KAZN: variants seen among roughly 807,000 people sequenced by gnomAD.
KAZN encodes kazrin.
A neutral mutation model predicts 87.4 loss-of-function variants in KAZN; 40 were observed. The observed-to-expected ratio is 0.46, with a 90% confidence interval of 0.36 to 0.60. KAZN has a LOEUF of 0.60. KAZN is among the 20% of genes least tolerant of loss of function. The probability of loss-of-function intolerance (pLI) is 0.00; values close to 1 mark genes in which losing one functional copy is unlikely to be tolerated. For synonymous variants in KAZN, 466 were observed against 458.3 expected, an observed-to-expected ratio of 1.02 and a Z score of -0.22; for missense variants, 898 against 1,073.9, an observed-to-expected ratio of 0.84 and a Z score of 2.29.
chr1:14,808,337 C>T (rs1646291729), intron 1 of KAZN, among the ~76,000 whole-genome samples: 1 of 143,824 alleles, frequency 7.0e-6, no homozygotes, highest in Non-Finnish European at 1.5e-5. Context: ...ACTCTGTCAC[C>T]CCAGGCTGGA....
chr1:14,868,626 AG>A (rs1651796508), intron 1 of KAZN, among the ~76,000 whole-genome samples: 1 of 151,754 alleles, frequency 6.6e-6, no homozygotes, highest in Non-Finnish European at 1.5e-5. Context: ...GAGTTTGGGG[AG>A]GGGAATCTAG....
At chr1:14,129,482 C>T (rs1644945720) in intron 1 of KAZN, among the ~76,000 whole-genome samples, 1 of 152,224 alleles carries the variant, frequency 6.6e-6, no homozygotes, top group Admixed American at 6.5e-5. Context: ...TGCCTCCCAC[C>T]CGATTCCTCC....
chr1:14,419,922 G>A (rs188274578), intron 2 of KAZN, among the ~76,000 whole-genome samples: 8 of 152,154 alleles, frequency 5.3e-5, no homozygotes, highest in African/African-American at 7.2e-5. Context: ...TTATTGCAAA[G>A]AGCGAAAGAA....
chr1:14,777,657 T>C (rs1398050142), intron 1 of KAZN, among the ~76,000 whole-genome samples: 1 of 152,204 alleles, frequency 6.6e-6, no homozygotes, highest in East Asian at 1.9e-4. Flanking sequence ...ACTCTCTTCA[T>C]CCAGACTTCC....
At chr1:14,813,133 G>C (rs904314075) in intron 1 of KAZN, among the ~76,000 whole-genome samples, 1 of 152,104 alleles carries the variant, frequency 6.6e-6, no homozygotes, top group African/African-American at 2.4e-5. Context: ...TAAATGTCTT[G>C]AAACCTCAGT....
chr1:14,513,352 A>G (rs969366279), intron 2 of KAZN, among the ~76,000 whole-genome samples: 4 of 152,164 alleles, frequency 2.6e-5, no homozygotes, highest in African/African-American at 9.7e-5. Context: ...ATAAATCCCC[A>G]TTCTTTTGTT....
chr1:14,440,367 T>C (rs1666629846), intron 2 of KAZN, among the ~76,000 whole-genome samples: 2 of 152,322 alleles, frequency 1.3e-5, no homozygotes, highest in South Asian at 4.1e-4. Flanking sequence ...GGAGAGACTT[T>C]GGCAGAAATA....
At chr1:14,221,014 G>A (rs572280073) in intron 2 of KAZN, among the ~76,000 whole-genome samples, 1 of 152,266 alleles carries the variant, frequency 6.6e-6, no homozygotes, top group Non-Finnish European at 1.5e-5. Context: ...TTTGATGCGG[G>A]ATGCTGGCTA....
At chr1:14,678,054 C>G (rs755721553) in intron 1 of KAZN, among the ~76,000 whole-genome samples, 1 of 152,128 alleles carries the variant, frequency 6.6e-6, no homozygotes, top group Non-Finnish European at 1.5e-5. Flanking sequence ...GCAAGGGGCT[C>G]TGGCACCTCT....
intron 1 of KAZN, among the ~76,000 whole-genome samples, chr1:13,915,189 G>C (rs577717668): frequency 6.6e-6 from 1 of 152,158 alleles, no homozygotes; most frequent in Non-Finnish European, 1.5e-5. Flanking sequence ...ACATGTATAC[G>C]ATCTGCCTTT....
intron 1 of KAZN, among the ~76,000 whole-genome samples, chr1:14,134,529 C>A (rs1255380366): frequency 6.6e-6 from 1 of 152,168 alleles, no homozygotes; most frequent in Non-Finnish European, 1.5e-5. Context: ...GCCATACAGG[C>A]TGACTCCAGG....
intron 2 of KAZN, among the ~76,000 whole-genome samples, chr1:14,266,516 C>A (rs980909971): frequency 1.3e-5 from 2 of 152,088 alleles, no homozygotes; most frequent in Non-Finnish European, 1.5e-5. Flanking sequence ...AAATGAAGAC[C>A]CTGAAATGCT....
intron 1 of KAZN, among the ~76,000 whole-genome samples, chr1:14,814,330 G>T (rs570370235): frequency 6.6e-6 from 1 of 152,274 alleles, no homozygotes; most frequent in East Asian, 1.9e-4. Context: ...GGGTTCAAGT[G>T]ATTCTCCTGC....
At chr1:14,086,164 A>T (rs180940863) in intron 1 of KAZN, among the ~76,000 whole-genome samples, 1 of 151,760 alleles carries the variant, frequency 6.6e-6, no homozygotes, top group Admixed American at 6.6e-5. Flanking sequence ...CTTATCAAAT[A>T]TACATCTTGC....
intron 2 of KAZN, among the ~76,000 whole-genome samples, chr1:14,991,198 C>A (rs554496013): frequency 1.3e-5 from 2 of 151,980 alleles, no homozygotes; most frequent in Admixed American, 6.6e-5. Context: ...AATAAAAATA[C>A]AAAAAATTAT....
chr1:14,010,951 T>C lies in KAZN; in HGVS notation c.91+117195T>C, dbSNP rs190548579. Among the ~76,000 whole-genome samples, 719 of 151,218 alleles carry C rather than the reference T, an allele frequency of 4.8e-3. 8 individuals are homozygous for C. The highest frequency in any genetic ancestry group is 0.017 in the African/African-American group (685 of 41,278). ...TCACAGCCTTTAGCCTTGCTTCCCC[T>C]TTTTTTTTGGACCTTATCTCCCTTC... On this transcript the variant is annotated intron_variant, in intron 1 of 16. Transcript: ENST00000636203.
At chr1:14,819,816 TC>T (rs1301070075) in intron 1 of KAZN, among the ~76,000 whole-genome samples, 5 of 150,318 alleles carry the variant, frequency 3.3e-5, no homozygotes, top group Admixed American at 3.3e-4. Flanking sequence ...CAAGCAATTC[TC>T]CTCCCTCAAC....
intron 2 of KAZN, among the ~76,000 whole-genome samples, chr1:14,456,533 T>C (rs1396319139): frequency 6.6e-6 from 1 of 152,178 alleles, no homozygotes; most frequent in East Asian, 1.9e-4. Context: ...GTATTATAGA[T>C]CTCACAGTTT....
At chr1:14,969,432 C>T (rs943451188) in intron 2 of KAZN, among the ~76,000 whole-genome samples, 4 of 152,234 alleles carry the variant, frequency 2.6e-5, no homozygotes, top group Non-Finnish European at 1.5e-5. Context: ...TGGTGGCTCT[C>T]GGGGCTGCTG....
Sources: gnomAD v4.1 joint callset for allele counts (sites outside exome capture counted in the v4.1 genomes callset) on GRCh38, gnomAD v4.1.1 for gene constraint, MANE v1.5 for transcripts, NCBI Gene and HGNC (gene_info 2026-07-23, HGNC 2026-07-21) for gene names.